AOAH: variants seen among roughly 807,000 people sequenced by gnomAD.
AOAH encodes acyloxyacyl hydrolase.
A neutral mutation model predicts 92.2 loss-of-function variants in AOAH; 64 were observed. That is an observed-to-expected ratio of 0.69 (90% CI 0.57 to 0.86). The LOEUF (loss-of-function observed/expected upper bound fraction) is 0.86, where lower values mean the gene tolerates loss of function less well. Among genes scored for constraint, AOAH ranks in the 40% least tolerant of loss-of-function variants. The probability of loss-of-function intolerance (pLI) is 0.00; values close to 1 mark genes in which losing one functional copy is unlikely to be tolerated. For missense variants in AOAH, 656 were observed against 694.6 expected (o/e 0.94, Z 0.62); for synonymous variants, 263 against 254.5 (o/e 1.03, Z -0.32).
At chr7:36,575,578 A>G (rs1293377880) in intron 13 of AOAH, among the ~76,000 whole-genome samples, 2 of 152,198 alleles carry the variant, frequency 1.3e-5, no homozygotes, top group African/African-American at 4.8e-5. Context: ...CTTGCCTTAC[A>G]ATGTCTGTTG....
At chr7:36,704,839 A>G (rs1009294196) in intron 1 of AOAH, among the ~76,000 whole-genome samples, 1 of 152,198 alleles carries the variant, frequency 6.6e-6, no homozygotes, top group African/African-American at 2.4e-5. Flanking sequence ...CTGGTTCAAC[A>G]TATGCAAATC....
chr7:36,538,276 C>G (rs529926819), intron 16 of AOAH, among the ~76,000 whole-genome samples: 2 of 152,106 alleles, frequency 1.3e-5, no homozygotes, highest in African/African-American at 4.8e-5. Flanking sequence ...ATCCACCCAC[C>G]TCGGCCTCCC....
intron 20 of AOAH, among the ~76,000 whole-genome samples, chr7:36,517,236 C>T (rs11771981): frequency 0.01 from 566 of 56,356 alleles, 4 homozygotes; most frequent in Middle Eastern, 0.018. Flanking sequence ...GTCTCTCTCT[C>T]TCTCTCTCTT....
Position 36,710,783 on chromosome 7 carries a change from C to T in AOAH, c.127+13239G>A, listed in dbSNP as rs565316633. Among the ~76,000 whole-genome samples, 6 of 152,240 alleles carry T rather than the reference C, an allele frequency of 3.9e-5. No individual in the cohort carries two copies. The South Asian group carries it at 1.2e-3, about 32-fold the overall frequency. On this transcript the variant is annotated intron_variant, in intron 1 of 20. Coordinates refer to ENST00000617537, the MANE Select transcript of AOAH (RefSeq NM_001637.4). ...TTATTCAGTTACTCAGGACTTTTTG[C>T]CTTACAATAGGTTTAATTTCACAAC...
At chr7:36,551,829 C>T (rs1373006416) in intron 13 of AOAH, among the ~76,000 whole-genome samples, 1 of 152,132 alleles carries the variant, frequency 6.6e-6, no homozygotes, top group African/African-American at 2.4e-5. Context: ...TATTGTAATA[C>T]TATGTTTAAT....
intron 4 of AOAH, among the ~76,000 whole-genome samples, chr7:36,652,816 A>G (rs533506462): frequency 2.0e-5 from 3 of 152,346 alleles, no homozygotes; most frequent in African/African-American, 7.2e-5. Context: ...ACAAGGAAAG[A>G]TGAAGACTCT....
At chr7:36,610,396 C>T (rs1199793537) in intron 11 of AOAH, among the ~76,000 whole-genome samples, 4 of 151,268 alleles carry the variant, frequency 2.6e-5, no homozygotes, top group African/African-American at 9.7e-5. Flanking sequence ...TATATGCATA[C>T]AAGGGGGAGT....
chr7:36,692,097 T>G (rs1797436537), intron 1 of AOAH, among the ~76,000 whole-genome samples: 1 of 152,138 alleles, frequency 6.6e-6, no homozygotes, highest in Admixed American at 6.5e-5. Flanking sequence ...TAAATGATGG[T>G]TGTGTAAGTG....
intron 2 of AOAH, among the ~76,000 whole-genome samples, chr7:36,684,223 A>T (rs565037960): frequency 1.3e-5 from 2 of 152,292 alleles, no homozygotes; most frequent in Non-Finnish European, 2.9e-5. Flanking sequence ...AAAGGACTTG[A>T]GTCAGCTTGA....
intron 13 of AOAH, among the ~76,000 whole-genome samples, chr7:36,572,463 T>C (rs997970012): frequency 6.6e-6 from 1 of 151,658 alleles, no homozygotes; most frequent in African/African-American, 2.4e-5. Flanking sequence ...TTTGAGGTTA[T>C]GGTGAGCTAT....
chr7:36,586,659 T>C (rs1789346504), intron 12 of AOAH, among the ~76,000 whole-genome samples: 1 of 152,198 alleles, frequency 6.6e-6, no homozygotes. Flanking sequence ...CTTCACACTC[T>C]TAAAATTATT....
At chr7:36,552,895 G>A (rs987672949) in intron 13 of AOAH, among the ~76,000 whole-genome samples, 1 of 151,944 alleles carries the variant, frequency 6.6e-6, no homozygotes, top group Non-Finnish European at 1.5e-5. Context: ...TACTAGCAAC[G>A]ACATGATTTA....
intron 5 of AOAH, 26 bp from the exon 6 acceptor site, chr7:36,632,132 GA>G: frequency 1.3e-6 from 2 of 1,582,896 alleles, no homozygotes; most frequent in Non-Finnish European, 1.7e-6. Context: ...AAAACAAAAA[GA>G]GAGTTGTTTA....
At chr7:36,562,325 T>C (rs1039143849) in intron 13 of AOAH, among the ~76,000 whole-genome samples, 1 of 152,184 alleles carries the variant, frequency 6.6e-6, no homozygotes, top group African/African-American at 2.4e-5. Flanking sequence ...AAATACGGAC[T>C]GCAGCAAGAA....
At chr7:36,582,380 C>T (rs969732780) in intron 12 of AOAH, among the ~76,000 whole-genome samples, 10 of 152,174 alleles carry the variant, frequency 6.6e-5, no homozygotes, top group Non-Finnish European at 1.3e-4. Context: ...AAGTGAGTCA[C>T]GTTAACTTTC....
intron 14 of AOAH, among the ~76,000 whole-genome samples, chr7:36,549,174 A>G (rs549873723): frequency 1.8e-4 from 27 of 152,220 alleles, no homozygotes; most frequent in Non-Finnish European, 3.2e-4. Context: ...TCTCATTCAT[A>G]AAGCAGGGAT....
chr7:36,531,899 CAT>C (rs1303016146), intron 18 of AOAH, among the ~76,000 whole-genome samples: 9 of 151,670 alleles, frequency 5.9e-5, no homozygotes, highest in South Asian at 2.1e-4. Flanking sequence ...TGTGTACACA[CAT>C]GTGTACACAC....
intron 20 of AOAH, among the ~76,000 whole-genome samples, chr7:36,517,187 T>G (rs1371239633): frequency 3.1e-5 from 2 of 63,754 alleles, no homozygotes; most frequent in African/African-American, 1.1e-4. Flanking sequence ...TCTTTCTTTC[T>G]TTCTTTCTTT....
intron 4 of AOAH, among the ~76,000 whole-genome samples, chr7:36,638,284 A>C (rs1793661502): frequency 2.0e-5 from 3 of 152,118 alleles, no homozygotes; most frequent in African/African-American, 7.2e-5. Context: ...TGATCTCCAT[A>C]AGCAACTTAT....
Sources: allele counts gnomAD v4.1 joint callset (sites outside exome capture counted in the v4.1 genomes callset), GRCh38; gene constraint gnomAD v4.1.1; transcripts MANE v1.5; gene names NCBI Gene and HGNC (gene_info 2026-07-23, HGNC 2026-07-21).